DENND1B: variants seen among roughly 807,000 people sequenced by gnomAD.
DENND1B encodes the protein DENN domain-containing protein 1B.
DENND1B carries 59 observed loss-of-function variants against 90.1 expected under a neutral mutation model. The observed-to-expected ratio is 0.65, with a 90% confidence interval of 0.53 to 0.81. DENND1B has a LOEUF of 0.81. DENND1B is among the 40% of genes least tolerant of loss of function. The pLI is 0.00. For synonymous variants in DENND1B, 337 were observed against 324.6 expected, an observed-to-expected ratio of 1.04 and a Z score of -0.41; for missense variants, 862 against 912.6, an observed-to-expected ratio of 0.94 and a Z score of 0.71.
Position 197,666,862 on chromosome 1 carries a change from A to G in DENND1B, c.296+5175T>C, listed in dbSNP as rs534873714. ...ATTCTAAGTCTTGGTTACATAGTGA[A>G]ATAAGGCAAACTAGGCTGGGGGCAG... On this transcript the variant is annotated intron_variant, in intron 5 of 22. Coordinates refer to ENST00000620048, the MANE Select transcript of DENND1B (RefSeq NM_001195215.2). Among the ~76,000 whole-genome samples the G allele has an allele frequency of 3.9e-5, 6 of 152,330 alleles. No individual in the cohort carries two copies. In the South Asian group the frequency reaches 1.0e-3, roughly 26 times the overall value.
chr1:197,585,866 G>A (rs1674651594), intron 14 of DENND1B, among the ~76,000 whole-genome samples: 1 of 152,162 alleles, frequency 6.6e-6, no homozygotes, highest in Admixed American at 6.5e-5. Flanking sequence ...ATTAATAAAT[G>A]ACTCTTGAGT....
At chr1:197,630,886 C>T (rs912898668) in intron 10 of DENND1B, among the ~76,000 whole-genome samples, 10 of 152,102 alleles carry the variant, frequency 6.6e-5, no homozygotes, top group African/African-American at 2.2e-4. Context: ...TCTCAAGGAA[C>T]TTACATTCTA....
At position 197,680,760 on chromosome 1, in the gene DENND1B, G is replaced by C. The variant is rs376953107; in HGVS notation, c.127-6591C>G. ...TTAGGCAGCATATCAAAGTAGCCAAGTGTATGACGTACTTAACTCATTCAA... is the reference window on the plus strand; with the variant it reads ...TTAGGCAGCATATCAAAGTAGCCAACTGTATGACGTACTTAACTCATTCAA... On this transcript the variant is annotated intron_variant, in intron 3 of 22. Transcript: ENST00000620048. Among the ~76,000 whole-genome samples, 135 of 152,242 alleles carry C rather than the reference G, an allele frequency of 8.9e-4. 1 individual carries two copies. Among genetic ancestry groups the C allele is most frequent in the African/African-American group, 3.0e-3 (123 of 41,556 alleles).
intron 3 of DENND1B, among the ~76,000 whole-genome samples, chr1:197,693,881 C>G (rs571610865): frequency 2.3e-4 from 35 of 151,556 alleles, no homozygotes; most frequent in African/African-American, 8.2e-4. Flanking sequence ...AGCCTTATAA[C>G]AATAACAAGA....
At chr1:197,642,631 T>C (rs1680364499) in intron 10 of DENND1B, 80 bp downstream of exon 10, 1 of 955,848 alleles carries the variant, frequency 1.0e-6, no homozygotes, top group Non-Finnish European at 1.6e-6. Context: ...ACATAGCACA[T>C]TTCTAAATCT....
chr1:197,640,933 C>T (rs1023015774), intron 10 of DENND1B, among the ~76,000 whole-genome samples: 2 of 152,058 alleles, frequency 1.3e-5, no homozygotes, highest in Admixed American at 1.3e-4. Flanking sequence ...ATAGCAAGAC[C>T]CTGTCTCAAA....
At chr1:197,721,864 T>A (rs887018528) in intron 2 of DENND1B, among the ~76,000 whole-genome samples, 4 of 152,138 alleles carry the variant, frequency 2.6e-5, no homozygotes, top group African/African-American at 9.7e-5. Flanking sequence ...ATGAAAGAAT[T>A]TTATTTCAAA....
chr1:197,777,281 T>A (rs773699252), upstream of DENND1B, among the ~76,000 whole-genome samples: 2 of 152,196 alleles, frequency 1.3e-5, no homozygotes, highest in Non-Finnish European at 2.9e-5. Context: ...TCATCCATTG[T>A]TGGGATTTTA....
chr1:197,653,198 T>C (rs112426282), intron 6 of DENND1B, among the ~76,000 whole-genome samples: 2 of 152,190 alleles, frequency 1.3e-5, no homozygotes, highest in Non-Finnish European at 2.9e-5. Flanking sequence ...CTCTTCAGAA[T>C]GACATAAAAA....
At chr1:197,727,344 G>C (rs1661732101) in intron 2 of DENND1B, among the ~76,000 whole-genome samples, 1 of 151,982 alleles carries the variant, frequency 6.6e-6, no homozygotes, top group South Asian at 2.1e-4. Context: ...GACCATCCTG[G>C]CTAACACAGT....
chr1:197,647,058 T>C lies in DENND1B; in HGVS notation c.504A>G (p.Val168=). Residue 168 remains valine, a synonymous_variant, in exon 8 of 23, where the codon GTA becomes GTG. Transcript: ENST00000620048. ...EQVLKDQPAL[V]PHSYFIAPDV... Reference sequence around the variant, plus strand: ...AGCCAATGTCCTTTTAACTCACCGGTACTAGAGCAGGCTGATCTTTCAGAA... The same window carrying C: ...AGCCAATGTCCTTTTAACTCACCGGCACTAGAGCAGGCTGATCTTTCAGAA... 1 of 1,467,746 alleles carries C rather than the reference T, an allele frequency of 6.8e-7. No homozygotes were observed. Among genetic ancestry groups the C allele is most frequent in the Non-Finnish European group, 9.0e-7 (1 of 1,117,282 alleles). 90.9% of individuals were successfully genotyped at this position (1,467,746 alleles called of 1,614,324 possible). A position where few individuals can be genotyped will look rare whatever the true frequency, so the allele number is the denominator to read the frequency against.
chr1:197,776,822 AC>A (rs1047198159), upstream of DENND1B, among the ~76,000 whole-genome samples: 16 of 118,628 alleles, frequency 1.3e-4, no homozygotes, highest in Non-Finnish European at 2.0e-4. Flanking sequence ...AAACAAACAA[AC>A]AAAAAAAAAA....
At chr1:197,735,800 CA>C (rs747060047) in intron 2 of DENND1B, 9 of 1,610,514 alleles carry the variant, frequency 5.6e-6, no homozygotes, top group Non-Finnish European at 6.8e-6. Flanking sequence ...CTGTCCTCTA[CA>C]GAAAGAAGCA....
At chr1:197,643,316 G>C (rs1042265227) in intron 9 of DENND1B, among the ~76,000 whole-genome samples, 3 of 151,878 alleles carry the variant, frequency 2.0e-5, no homozygotes, top group Non-Finnish European at 4.4e-5. Context: ...CACCACATCC[G>C]GCTAATTTTT....
chr1:197,628,134 A>G (rs1381944550), intron 10 of DENND1B, among the ~76,000 whole-genome samples: 1 of 152,206 alleles, frequency 6.6e-6, no homozygotes, highest in African/African-American at 2.4e-5. Flanking sequence ...CCATCCCCAT[A>G]AAGCTACCAA....
At chr1:197,776,427 A>G (rs1657272532), upstream of DENND1B, among the ~76,000 whole-genome samples, 1 of 152,172 alleles carries the variant, frequency 6.6e-6, no homozygotes, top group Non-Finnish European at 1.5e-5. Flanking sequence ...AAGTCTTATG[A>G]TGGACATTCA....
chr1:197,663,878 C>A (rs1452887703), intron 5 of DENND1B, among the ~76,000 whole-genome samples: 1 of 151,984 alleles, frequency 6.6e-6, no homozygotes, highest in Non-Finnish European at 1.5e-5. Flanking sequence ...TCTTATCTGA[C>A]AAGAAAATGA....
chr1:197,658,566 G>C (rs759556087), intron 5 of DENND1B, among the ~76,000 whole-genome samples, 197 bp from the exon 6 acceptor site: 2 of 151,602 alleles, frequency 1.3e-5, no homozygotes, highest in African/African-American at 2.4e-5. Flanking sequence ...TCAGAATCTA[G>C]AGTTCTATTT....
chr1:197,573,955 A>G (rs1049778887), intron 15 of DENND1B, among the ~76,000 whole-genome samples: 1 of 152,274 alleles, frequency 6.6e-6, no homozygotes, highest in East Asian at 1.9e-4. Context: ...TCTCAAAATA[A>G]TAAGAGCTAT....
Sources: gnomAD v4.1 joint callset for allele counts (sites outside exome capture counted in the v4.1 genomes callset) on GRCh38, gnomAD v4.1.1 for gene constraint, MANE v1.5 for transcripts, NCBI Gene and HGNC (gene_info 2026-07-23, HGNC 2026-07-21) for gene names.